The following CPQ variants were observed in gnomAD, a reference collection of about 807,000 sequenced individuals.
The protein encoded by CPQ is Ser-Met dipeptidase.
Under a neutral mutation model 45.7 loss-of-function variants are expected in CPQ, and 37 were observed. That is an observed-to-expected ratio of 0.81 (90% CI 0.62 to 1.07). The LOEUF (loss-of-function observed/expected upper bound fraction) is 1.07. Ranked by LOEUF, CPQ falls within the 50% of genes least tolerant of loss-of-function variation. The pLI, the probability that CPQ is intolerant of heterozygous loss-of-function variation, is 0.00. For synonymous variants in CPQ, 186 were observed against 205.8 expected (o/e 0.90, Z 0.82); for missense variants, 537 against 572.9 (o/e 0.94, Z 0.64).
chr8:96,710,379 T>C (rs1027743584), intron 1 of CPQ, among the ~76,000 whole-genome samples: 2 of 152,158 alleles, frequency 1.3e-5, no homozygotes. Flanking sequence ...ATTTCTTTTC[T>C]TCTGCTAGCT....
At chr8:96,936,084 G>A (rs914541669) in intron 4 of CPQ, among the ~76,000 whole-genome samples, 4 of 151,816 alleles carry the variant, frequency 2.6e-5, no homozygotes, top group African/African-American at 7.3e-5. Flanking sequence ...TGGCCTTTTT[G>A]TGTAGTTCTC....
At chr8:96,790,617 G>A (rs945839077) in intron 2 of CPQ, among the ~76,000 whole-genome samples, 3 of 152,032 alleles carry the variant, frequency 2.0e-5, no homozygotes, top group African/African-American at 4.8e-5. Context: ...AAGCTCTTAC[G>A]TTCTTGTCTG....
intron 1 of CPQ, among the ~76,000 whole-genome samples, chr8:96,702,402 G>C (rs1338694588): frequency 6.6e-6 from 1 of 152,188 alleles, no homozygotes; most frequent in African/African-American, 2.4e-5. Context: ...GAGAAAGGGA[G>C]AATAAGAGAG....
chr8:96,699,328 G>A (rs2130744119), intron 1 of CPQ, among the ~76,000 whole-genome samples: 1 of 152,234 alleles, frequency 6.6e-6, no homozygotes, highest in South Asian at 2.1e-4. Flanking sequence ...GTTACCAGAG[G>A]CTGAGAAAGG....
intron 1 of CPQ, among the ~76,000 whole-genome samples, chr8:96,664,389 C>T (rs940576386): frequency 7.2e-5 from 11 of 152,016 alleles, no homozygotes; most frequent in African/African-American, 2.2e-4. Flanking sequence ...TCTTCAGTTA[C>T]GTAGAAGAGG....
intron 2 of CPQ, among the ~76,000 whole-genome samples, chr8:96,818,386 A>G (rs1811257488): frequency 6.6e-6 from 1 of 152,018 alleles, no homozygotes; most frequent in Non-Finnish European, 1.5e-5. Flanking sequence ...TAACAGATAT[A>G]GTAAAAATGA....
At chr8:97,021,717 GCAAA>G (rs1259321761) in intron 5 of CPQ, among the ~76,000 whole-genome samples, 1 of 152,004 alleles carries the variant, frequency 6.6e-6, no homozygotes, top group Non-Finnish European at 1.5e-5. Context: ...CATAGACAAC[GCAAA>G]CAAATGGAAA....
At chr8:97,125,983 G>A (rs80186641) in intron 7 of CPQ, among the ~76,000 whole-genome samples, 2,025 of 152,234 alleles carry the variant, frequency 0.013, 51 homozygotes, top group African/African-American at 0.045. Flanking sequence ...TAAAAGAGAG[G>A]GGCTCTGTGA....
intron 6 of CPQ, among the ~76,000 whole-genome samples, chr8:97,032,516 T>C (rs1809925729): frequency 6.6e-6 from 1 of 152,254 alleles, no homozygotes; most frequent in Non-Finnish European, 1.5e-5. Flanking sequence ...CTCTATACTG[T>C]AGGCTGGGAG....
chr8:96,861,560 C>T lies in CPQ; in HGVS notation c.642-18238C>T, dbSNP rs959395479. ...GACAAATTCTTCACATTCTCACTTCCCTTTGCTAATTCTGGCGTCAGAAGT... is the reference window on the plus strand; with the variant it reads ...GACAAATTCTTCACATTCTCACTTCTCTTTGCTAATTCTGGCGTCAGAAGT... On this transcript the variant is annotated intron_variant, in intron 3 of 7. Coordinates refer to ENST00000220763, the MANE Select transcript of CPQ (RefSeq NM_016134.4). Among the ~76,000 whole-genome samples, 3 of 152,228 alleles carry T rather than the reference C, an allele frequency of 2.0e-5. No individual in the cohort carries two copies. The East Asian group carries it at 5.8e-4, about 30-fold the overall frequency.
chr8:96,825,589 G>C (rs1308259337), intron 2 of CPQ, among the ~76,000 whole-genome samples: 2 of 152,124 alleles, frequency 1.3e-5, no homozygotes, highest in East Asian at 3.9e-4. Flanking sequence ...TCAAGCCAAT[G>C]AACTTTCATA....
chr8:97,110,187 A>T (rs1586545834), intron 7 of CPQ, among the ~76,000 whole-genome samples: 1 of 152,162 alleles, frequency 6.6e-6, no homozygotes, highest in African/African-American at 2.4e-5. Flanking sequence ...ACCAGATATT[A>T]GTTTTTCCTG....
intron 2 of CPQ, among the ~76,000 whole-genome samples, chr8:96,803,452 T>A (rs1811034182): frequency 1.3e-5 from 2 of 152,292 alleles, no homozygotes; most frequent in South Asian, 4.1e-4. Flanking sequence ...CTTTTGTATA[T>A]GAGAGATGAA....
intron 3 of CPQ, among the ~76,000 whole-genome samples, chr8:96,868,969 T>C (rs1233047638): frequency 6.6e-6 from 1 of 151,980 alleles, no homozygotes; most frequent in East Asian, 1.9e-4. Context: ...AAAACAAATA[T>C]ACTAGAATGT....
intron 5 of CPQ, among the ~76,000 whole-genome samples, chr8:96,991,764 A>G (rs1809097169): frequency 6.6e-6 from 1 of 152,124 alleles, no homozygotes; most frequent in South Asian, 2.1e-4. Context: ...ACTGAGCAAT[A>G]GGGAGAAGTT....
chr8:96,935,666 A>G (rs879684725), intron 4 of CPQ, among the ~76,000 whole-genome samples: 4 of 152,206 alleles, frequency 2.6e-5, no homozygotes, highest in Non-Finnish European at 4.4e-5. Flanking sequence ...TTAGTTGAGT[A>G]TAACATGGAA....
chr8:96,775,254 G>A (rs1015580010), intron 1 of CPQ, among the ~76,000 whole-genome samples: 4 of 152,054 alleles, frequency 2.6e-5, no homozygotes, highest in Non-Finnish European at 5.9e-5. Context: ...AATTTGTAAT[G>A]CCTTCTTTAT....
intron 4 of CPQ, among the ~76,000 whole-genome samples, chr8:96,952,153 T>A (rs999338164): frequency 2.0e-5 from 3 of 152,114 alleles, no homozygotes; most frequent in African/African-American, 7.2e-5. Context: ...ATTTTTAGCA[T>A]ACTCAAATAA....
intron 2 of CPQ, among the ~76,000 whole-genome samples, chr8:96,813,918 A>G (rs1234736609): frequency 6.6e-6 from 1 of 152,084 alleles, no homozygotes; most frequent in Non-Finnish European, 1.5e-5. Flanking sequence ...AGGCCTCATT[A>G]TGGTACATAT....
Sources: gnomAD v4.1 joint callset for allele counts (sites outside exome capture counted in the v4.1 genomes callset) on GRCh38, gnomAD v4.1.1 for gene constraint, MANE v1.5 for transcripts, NCBI Gene and HGNC (gene_info 2026-07-23, HGNC 2026-07-21) for gene names.